Variants in NOTCH1 observed in about 807,000 individuals in gnomAD.
The protein encoded by NOTCH1 is neurogenic locus notch homolog protein 1.
In NOTCH1, 37 loss-of-function variants were observed where a neutral mutation model predicts 254.8. The ratio of observed to expected loss-of-function variants is 0.15; its 90% CI spans 0.11 to 0.19. The LOEUF is 0.19. Ranked by LOEUF, NOTCH1 falls within the 10% of genes least tolerant of loss-of-function variation. NOTCH1 has a pLI of 1.00. For missense variants in NOTCH1, 2,972 were observed against 3,708.6 expected (o/e 0.80, Z 5.16); for synonymous variants, 1,731 against 1,618.1 (o/e 1.07, Z -1.68).
At chr9:136,534,736 T>C (rs1482154974) in intron 2 of NOTCH1, among the ~76,000 whole-genome samples, 2 of 151,954 alleles carry the variant, frequency 1.3e-5, no homozygotes, top group Non-Finnish European at 2.9e-5. Flanking sequence ...AGGACCCCGA[T>C]GGGGCCGCTG....
At chr9:136,537,301 G>A (rs549193563) in intron 2 of NOTCH1, among the ~76,000 whole-genome samples, 21 of 152,342 alleles carry the variant, frequency 1.4e-4, no homozygotes, top group African/African-American at 4.6e-4. Flanking sequence ...TGCAGTTCTA[G>A]TCCACGCGTG....
Position 136,508,729 on chromosome 9 carries a change from T to A in NOTCH1, c.3171+141A>T, listed in dbSNP as rs1182236825. On this transcript the variant is annotated intron_variant, in intron 19 of 33. Coordinates refer to ENST00000651671, the MANE Select transcript of NOTCH1 (RefSeq NM_017617.5). ...CAGGTTCCTTCACCGGCTGCTCAGA[T>A]CCCCAGAAACCCTCTGCCCGGGGGT... 11 of 817,938 alleles carry A rather than the reference T, an allele frequency of 1.3e-5. No homozygotes were observed. The East Asian group carries it at 3.0e-4, about 22-fold the overall frequency. The allele number at this position is 817,938 out of a possible 1,614,324, so 50.7% of individuals were successfully genotyped here. A position where few individuals can be genotyped will look rare whatever the true frequency, so the allele number is the denominator to read the frequency against.
intron 2 of NOTCH1, 83 bp from the exon 3 acceptor site, chr9:136,524,062 G>T: frequency 6.6e-7 from 1 of 1,509,942 alleles, no homozygotes; most frequent in Non-Finnish European, 8.9e-7. Context: ...CCTGTCATGG[G>T]CACAGCCGCC....
At chr9:136,517,446 C>G in intron 8 of NOTCH1, 61 bp from the exon 9 acceptor site, 2 of 1,203,566 alleles carry the variant, frequency 1.7e-6, no homozygotes, top group South Asian at 1.3e-5. Flanking sequence ...CTGGGCACAG[C>G]TGTGGACTTG....
chr9:136,530,151 C>T (rs1008179593), intron 2 of NOTCH1, among the ~76,000 whole-genome samples: 2 of 152,194 alleles, frequency 1.3e-5, no homozygotes, highest in Admixed American at 6.5e-5. Context: ...GGGTCGCGGC[C>T]GGCCCGCCAC....
chr9:136,507,066 G>A, intron 22 of NOTCH1, 93 bp from the exon 23 acceptor site: 1 of 1,535,738 alleles, frequency 6.5e-7, no homozygotes, highest in South Asian at 1.2e-5. Context: ...GCTCAGGTCT[G>A]GGGCTGCACG....
intron 12 of NOTCH1, 118 bp from the exon 13 acceptor site, chr9:136,514,820 G>C: frequency 9.3e-7 from 1 of 1,072,970 alleles, no homozygotes; most frequent in South Asian, 1.3e-5. Context: ...CATCCTTCCA[G>C]GTGTCAGAAA....
rs1843165631 is a variant in NOTCH1, at chr9:136,510,671, T to C, written c.2722A>G (p.Ile908Val). ...TACTCACTGGGCCGGCAGTCGTCGA[T>C]GTCGGTCTCGCAGTTGCGCCCACTG... Reference protein sequence around the residue: ...GYSGRNCETDIDDCRPNPCHN... With the variant: ...GYSGRNCETDVDDCRPNPCHN... Residue 908 changes from isoleucine (I) to valine (V), a missense_variant, in exon 17 of 34, where the codon ATC (isoleucine) becomes GTC (valine). Around this residue, in one of 8 missense-constraint regions of NOTCH1, gnomAD observed 1,343 missense variants for 1,557.0 expected, o/e 0.86. Transcript: ENST00000651671. 6.2e-7 allele frequency: 1 copy of C among 1,608,366 alleles called. No individual in the cohort carries two copies. Among genetic ancestry groups the C allele is most frequent in the Non-Finnish European group, 8.5e-7 (1 of 1,179,470 alleles).
In NOTCH1 at chr9:136,516,059, C is replaced by T. The variant is rs937879671; in HGVS notation, c.1591G>A (p.Glu531Lys). Residue 531 changes from glutamate to lysine, a missense_variant, in exon 10 of 34, where the codon GAG becomes AAG. By Grantham distance (56) the Glu-to-Lys change is moderately conservative (BLOSUM62 1). This residue lies in a region of NOTCH1 where 128 missense variants were observed against 193.8 expected (regional missense o/e 0.66). Coordinates refer to ENST00000651671, the MANE Select transcript of NOTCH1 (RefSeq NM_017617.5). ...TGHLCQYDVD[E>K]CASTPCKNGA... ...TTCTTGCAGGGGGTGCTGGCACACT[C>T]GTCCACATCGTACTGGCACAGATGC... 3.1e-6 allele frequency: 5 copies of T among 1,612,062 alleles called. No homozygotes were observed. Among genetic ancestry groups the T allele is most frequent in the Admixed American group, 1.7e-5 (1 of 60,012 alleles).
rs1339004050 is a variant in NOTCH1, at chr9:136,505,067, C to T, written c.4624G>A (p.Asp1542Asn). The T allele has an allele frequency of 3.1e-6, 5 of 1,611,098 alleles. No homozygotes were observed. Among genetic ancestry groups the T allele is most frequent in the Non-Finnish European group, 4.2e-6 (5 of 1,179,714 alleles). Residue 1542 changes from aspartate to asparagine, a missense_variant, in exon 26 of 34, where the codon GAC (aspartate) becomes AAC (asparagine). Physicochemically the swap from Asp to Asn is conservative, Grantham distance 23. Around this residue, in one of 8 missense-constraint regions of NOTCH1, gnomAD observed 1,343 missense variants for 1,557.0 expected, o/e 0.86. Transcript: ENST00000651671. Reference sequence around the variant, plus strand: ...TTGCAGCCCTGGTCGCAGTGCCCGTCGCTGAAGTGGTCCTTGCAGTACTGG... The same window carrying T: ...TTGCAGCCCTGGTCGCAGTGCCCGTTGCTGAAGTGGTCCTTGCAGTACTGG... ...YDQYCKDHFS[D>N]GHCDQGCNSA...
At chr9:136,519,738 T>C in intron 4 of NOTCH1, 173 bp from the exon 5 acceptor site, 1 of 835,410 alleles carries the variant, frequency 1.2e-6, no homozygotes. Flanking sequence ...GGACACGCCC[T>C]GCTTGAAAGA....
chr9:136,518,398 C>A, intron 6 of NOTCH1, 106 bp from the exon 7 acceptor site: 2 of 1,456,178 alleles, frequency 1.4e-6, no homozygotes, highest in South Asian at 1.2e-5. Flanking sequence ...AGCTGCCCGC[C>A]GTGACCCCGT....
chr9:136,514,186 G>A (rs1167659451), intron 13 of NOTCH1, among the ~76,000 whole-genome samples: 2 of 152,210 alleles, frequency 1.3e-5, no homozygotes, highest in South Asian at 2.1e-4. Context: ...TCCCATCCAG[G>A]CAGAGTGCTG....
At chr9:136,509,344 G>A (rs1192747674) in intron 18 of NOTCH1, among the ~76,000 whole-genome samples, 2 of 152,226 alleles carry the variant, frequency 1.3e-5, no homozygotes, top group Non-Finnish European at 2.9e-5. Flanking sequence ...TAAAGTAAAT[G>A]AGGGAGAAAC....
At chr9:136,510,234 G>A (rs1263149405) in intron 17 of NOTCH1, among the ~76,000 whole-genome samples, 1 of 152,202 alleles carries the variant, frequency 6.6e-6, no homozygotes, top group African/African-American at 2.4e-5. Flanking sequence ...ACCGAGCAGG[G>A]GAGGAGAGAC....
At chr9:136,528,957 C>T (rs1192757913) in intron 2 of NOTCH1, among the ~76,000 whole-genome samples, 2 of 152,148 alleles carry the variant, frequency 1.3e-5, no homozygotes, top group Non-Finnish European at 2.9e-5. Context: ...GGACCCCTCC[C>T]TCACCAGCAG....
chr9:136,518,010 C>CCAT, intron 7 of NOTCH1, 73 bp from the exon 8 acceptor site: 1 of 1,582,364 alleles, frequency 6.3e-7, no homozygotes, highest in Non-Finnish European at 8.6e-7. Context: ...CACACCACCC[C>CCAT]CATCGGACTG....
chr9:136,530,635 C>G (rs1843545146), intron 2 of NOTCH1, among the ~76,000 whole-genome samples: 1 of 152,240 alleles, frequency 6.6e-6, no homozygotes. Flanking sequence ...GGAGCCCCAC[C>G]TGCTGCTCCA....
In NOTCH1 at chr9:136,499,278, C is replaced by T. The variant is rs375090448; in HGVS notation, c.5935-19G>A. ...TCAGGATCTGGGCAACAGGGAGAGGCTCAGGCGGGTGCTGGGCAGACGTAC... is the reference window on the plus strand; with the variant it reads ...TCAGGATCTGGGCAACAGGGAGAGGTTCAGGCGGGTGCTGGGCAGACGTAC... On this transcript the variant is annotated intron_variant, in intron 31 of 33. Transcript: ENST00000651671. The T allele has an allele frequency of 1.9e-5, 30 of 1,611,284 alleles. No homozygotes were observed. Among genetic ancestry groups the T allele is most frequent in the Non-Finnish European group, 2.5e-5 (29 of 1,179,954 alleles).
Sources: allele counts gnomAD v4.1 joint callset (sites outside exome capture counted in the v4.1 genomes callset), GRCh38; gene constraint gnomAD v4.1.1; regional missense constraint gnomAD v4.1.1; transcripts MANE v1.5; gene names NCBI Gene and HGNC (gene_info 2026-07-23, HGNC 2026-07-21).